The following RANBP2 variants were observed in gnomAD, a reference collection of about 807,000 sequenced individuals.
The protein encoded by RANBP2 is E3 SUMO-protein ligase RanBP2.
A neutral mutation model predicts 303.6 loss-of-function variants in RANBP2; 57 were observed. That is an observed-to-expected ratio of 0.19 (90% confidence interval 0.15 to 0.23). RANBP2 has a LOEUF of 0.23. RANBP2 is among the 10% of genes least tolerant of loss of function. The pLI, the probability that RANBP2 is intolerant of heterozygous loss-of-function variation, is 1.00. For missense variants in RANBP2, 3,138 were observed against 3,780.8 expected (o/e 0.83, Z 4.46); for synonymous variants, 1,167 against 1,301.5 (o/e 0.90, Z 2.23).
chr2:109,627,560 AATG>A, the RANBP2 span, among the ~76,000 whole-genome samples: 1 of 152,204 alleles, frequency 6.6e-6, no homozygotes, highest in East Asian at 1.9e-4. Flanking sequence ...CTGTATATAT[AATG>A]ATGATTTTTC....
chr2:109,569,917 G>A, the RANBP2 span, among the ~76,000 whole-genome samples: 1 of 152,032 alleles, frequency 6.6e-6, no homozygotes, highest in South Asian at 2.1e-4. Flanking sequence ...ACAACTATCT[G>A]GAGGTGGCCT....
chr2:109,267,400 C>CGAA, the RANBP2 span, among the ~76,000 whole-genome samples: 1 of 152,124 alleles, frequency 6.6e-6, no homozygotes, highest in African/African-American at 2.4e-5. Context: ...TGAGCTTGCC[C>CGAA]GAAGAAAGAA....
At chr2:109,008,805 C>T in the RANBP2 span, among the ~76,000 whole-genome samples, 4 of 150,582 alleles carry the variant, frequency 2.7e-5, no homozygotes, top group Admixed American at 6.6e-5. Context: ...AAGAGGCTGA[C>T]GCAGAATAGT....
chr2:109,288,769 A>G, the RANBP2 span, among the ~76,000 whole-genome samples: 1 of 151,928 alleles, frequency 6.6e-6, no homozygotes, highest in Admixed American at 6.5e-5. Context: ...CATGGCTGGG[A>G]CAGCAGATGG....
chr2:109,347,597 G>A, the RANBP2 span: 30 of 1,535,946 alleles, frequency 2.0e-5, no homozygotes, highest in Admixed American at 1.3e-4. Context: ...GAGAAGCCCC[G>A]GCCTGCCCCG....
chr2:108,810,616 G>C, the RANBP2 span, among the ~76,000 whole-genome samples: 3 of 152,204 alleles, frequency 2.0e-5, no homozygotes, highest in East Asian at 5.8e-4. Context: ...TATTGGCCTG[G>C]AGTTTTCTTG....
At chr2:109,695,813 G>A in the RANBP2 span, among the ~76,000 whole-genome samples, 1 of 152,110 alleles carries the variant, frequency 6.6e-6, no homozygotes, top group Non-Finnish European at 1.5e-5. Context: ...TAGCTGGAGT[G>A]TGGTAGAATT....
the RANBP2 span, among the ~76,000 whole-genome samples, chr2:109,631,912 C>T: frequency 3.9e-5 from 6 of 152,058 alleles, no homozygotes; most frequent in East Asian, 1.2e-3. Flanking sequence ...AAGGTGGAAC[C>T]CTAGACAGCC....
the RANBP2 span, among the ~76,000 whole-genome samples, chr2:109,066,016 T>A: frequency 6.6e-6 from 1 of 152,028 alleles, no homozygotes; most frequent in Non-Finnish European, 1.5e-5. Context: ...TGGCTCACCG[T>A]AACCTCTGCC....
chr2:108,786,897 G>A, downstream of RANBP2: 1 of 1,554,728 alleles, frequency 6.4e-7, no homozygotes, highest in African/African-American at 1.4e-5. Context: ...ACGGACTCGG[G>A]GGCAGCTGCC....
the RANBP2 span, among the ~76,000 whole-genome samples, chr2:108,821,760 C>T: frequency 1.3e-4 from 20 of 152,082 alleles, no homozygotes; most frequent in Middle Eastern, 3.4e-3. Context: ...GCCTGGTCAA[C>T]ATGGTGAAAC....
the RANBP2 span, among the ~76,000 whole-genome samples, chr2:109,671,508 A>G: frequency 6.6e-6 from 1 of 152,004 alleles, no homozygotes; most frequent in Non-Finnish European, 1.5e-5. Context: ...CATGGGCCTC[A>G]TTGGAGGTGC....
the RANBP2 span, among the ~76,000 whole-genome samples, chr2:109,629,334 TATATATATATATATATATATA>T: frequency 0.097 from 1,115 of 11,456 alleles, 32 homozygotes; most frequent in African/African-American, 0.17. Flanking sequence ...TATATATATA[TATATATATATATATATATATA>T]TTTTTTTTTT....
chr2:109,605,480 T>TAATA, the RANBP2 span: 7 of 151,962 alleles, frequency 4.6e-5, no homozygotes, highest in East Asian at 3.9e-4. Context: ...CAAAAAATAA[T>TAATA]AATAAATAAA....
the RANBP2 span, among the ~76,000 whole-genome samples, chr2:108,876,950 A>G: frequency 1.3e-5 from 2 of 152,344 alleles, no homozygotes; most frequent in East Asian, 3.9e-4. Flanking sequence ...TAAAGGTGGT[A>G]AAACTTGGGA....
At chr2:108,741,437 C>T (rs1283081316) in intron 7 of RANBP2, among the ~76,000 whole-genome samples, 4 of 146,684 alleles carry the variant, frequency 2.7e-5, no homozygotes, top group Admixed American at 1.4e-4. Flanking sequence ...ACCTCGTGAT[C>T]TGCCTGCCTT....
chr2:108,916,514 C>T, the RANBP2 span, among the ~76,000 whole-genome samples: 18 of 152,290 alleles, frequency 1.2e-4, no homozygotes, highest in African/African-American at 3.9e-4. Context: ...CACCCACAGG[C>T]GCCCACCTGC....
the RANBP2 span, among the ~76,000 whole-genome samples, chr2:108,960,571 C>T: frequency 6.6e-6 from 1 of 152,220 alleles, no homozygotes; most frequent in African/African-American, 2.4e-5. Context: ...CAACTTCCAC[C>T]ACGCTGGCTC....
At chr2:109,190,254 A>T in the RANBP2 span, among the ~76,000 whole-genome samples, 14 of 152,098 alleles carry the variant, frequency 9.2e-5, no homozygotes, top group African/African-American at 3.4e-4. Context: ...GCCCACTGCA[A>T]CCTCCGCCTC....
Sources: gnomAD v4.1 joint callset for allele counts (sites outside exome capture counted in the v4.1 genomes callset) on GRCh38, gnomAD v4.1.1 for gene constraint, MANE v1.5 for transcripts, NCBI Gene and HGNC (gene_info 2026-07-23, HGNC 2026-07-21) for gene names.